SLC36A1: variants seen among roughly 807,000 people sequenced by gnomAD.
SLC36A1 encodes proton-coupled amino acid transporter 1.
SLC36A1 carries 30 observed loss-of-function variants against 47.5 expected under a neutral mutation model. The ratio of observed to expected loss-of-function variants is 0.63; its 90% CI spans 0.47 to 0.86. SLC36A1 has a LOEUF of 0.86. Ranked by LOEUF, SLC36A1 falls within the 40% of genes least tolerant of loss-of-function variation. The pLI, the probability that SLC36A1 is intolerant of heterozygous loss-of-function variation, is 0.00. For missense variants in SLC36A1, 517 were observed against 606.0 expected (o/e 0.85, Z 1.54); for synonymous variants, 255 against 249.7 (o/e 1.02, Z -0.20).
chr5:151,452,906 A>G (rs1015354267), intron 1 of SLC36A1, among the ~76,000 whole-genome samples: 3 of 150,008 alleles, frequency 2.0e-5, no homozygotes, highest in African/African-American at 7.4e-5. Context: ...CAAAAACAAC[A>G]ACAAAAAAAC....
the SLC36A1 span, among the ~76,000 whole-genome samples, chr5:151,362,843 A>G: frequency 6.6e-6 from 1 of 152,084 alleles, no homozygotes; most frequent in Non-Finnish European, 1.5e-5. Context: ...GCTTTTCTGC[A>G]TTATTTTGGA....
At chr5:151,395,894 C>A in the SLC36A1 span, among the ~76,000 whole-genome samples, 1 of 152,080 alleles carries the variant, frequency 6.6e-6, no homozygotes, top group Non-Finnish European at 1.5e-5. Flanking sequence ...ACTGCAACCT[C>A]CACCTCCCGA....
rs35595732 is a variant in SLC36A1, at chr5:151,457,854, G to GTTTT, written c.-5-926_-5-923dup. Among the ~76,000 whole-genome samples the GTTTT allele has an allele frequency of 6.3e-4, 91 of 143,626 alleles. No individual in the cohort carries two copies. The East Asian group carries it at 6.4e-3, about 10-fold the overall frequency. The allele number at this position is 143,626 out of a possible 152,430, so 94.2% of individuals were successfully genotyped here. On this transcript the variant is annotated intron_variant, in intron 1 of 10. Transcript: ENST00000243389. ...TTTTCTTTTTTTTTGTTGTTTGTTT[G>GTTTT]TTTTTTTTTTTGAGATGGAGTTTCG... is the stretch of plus-strand genomic sequence containing the variant.
At chr5:151,382,286 G>A in the SLC36A1 span, 1 of 1,275,212 alleles carries the variant, frequency 7.8e-7, no homozygotes, top group Non-Finnish European at 1.1e-6. Flanking sequence ...CAGGCTTTGA[G>A]AGTGCCCTCA....
the SLC36A1 span, chr5:151,546,402 G>A: frequency 8.0e-7 from 1 of 1,252,488 alleles, no homozygotes; most frequent in South Asian, 1.4e-5. Flanking sequence ...AGGCTTTCTA[G>A]ATCAGTAAAG....
the SLC36A1 span, among the ~76,000 whole-genome samples, chr5:151,372,446 A>T: frequency 2.6e-3 from 392 of 148,688 alleles, 3 homozygotes; most frequent in Non-Finnish European, 4.2e-3. Flanking sequence ...TTCATTAAAA[A>T]TTTTTTTTTT....
chr5:151,347,602 C>T, the SLC36A1 span: 2 of 955,338 alleles, frequency 2.1e-6, no homozygotes, highest in Non-Finnish European at 3.2e-6. Context: ...GAACGAGGCC[C>T]CGCCCACCTC....
chr5:151,547,011 T>G, the SLC36A1 span, among the ~76,000 whole-genome samples: 1 of 152,234 alleles, frequency 6.6e-6, no homozygotes, highest in Non-Finnish European at 1.5e-5. Flanking sequence ...TATAATTTTT[T>G]CAATATCCAT....
chr5:151,463,571 C>T lies in SLC36A1; in HGVS notation c.162C>T (p.Ile54=), dbSNP rs867612142. ...SNSTTWFQTL[I]HLLKGNIGTG... ...ACTTCAGATGGTTCCAGACCTTGAT[C>T]CACCTGTTAAAAGGCAACATTGGCA... Residue 54 remains isoleucine (I), a synonymous_variant, in exon 3 of 11, where the codon ATC becomes ATT. Transcript: ENST00000243389. 1 of 1,613,998 alleles carries T rather than the reference C, an allele frequency of 6.2e-7. No individual in the cohort carries two copies. The highest frequency in any genetic ancestry group is 8.5e-7 in the Non-Finnish European group (1 of 1,179,882).
intron 10 of SLC36A1, among the ~76,000 whole-genome samples, chr5:151,481,003 C>A (rs1268426492): frequency 6.6e-6 from 1 of 152,246 alleles, no homozygotes; most frequent in African/African-American, 2.4e-5. Context: ...ACTCCTCTCC[C>A]TGCCCAATTT....
chr5:151,542,948 C>G, the SLC36A1 span: 7 of 1,614,230 alleles, frequency 4.3e-6, no homozygotes, highest in Non-Finnish European at 5.9e-6. Context: ...GTGCCCCGCA[C>G]TAGACTGTAG....
At chr5:151,427,177 G>A in the SLC36A1 span, among the ~76,000 whole-genome samples, 7 of 152,248 alleles carry the variant, frequency 4.6e-5, no homozygotes, top group African/African-American at 1.7e-4. Context: ...CCTATATGTG[G>A]TTGCTTCAGT....
chr5:151,356,345 A>C, the SLC36A1 span, among the ~76,000 whole-genome samples: 1 of 145,614 alleles, frequency 6.9e-6, no homozygotes, highest in African/African-American at 2.6e-5. Context: ...CTCACAAAAA[A>C]AAAAAAAAAA....
At chr5:151,549,447 T>A in the SLC36A1 span, 1 of 1,614,168 alleles carries the variant, frequency 6.2e-7, no homozygotes. Context: ...GTTTCCATCC[T>A]CCACATGAAT....
Position 151,453,487 on chromosome 5 carries a change from C to T in SLC36A1, c.-5-5301C>T, listed in dbSNP as rs1261532782. On this transcript the variant is annotated intron_variant, in intron 1 of 10. Transcript: ENST00000243389. ...GATAGCTATTTATGGCTAGTGGTTACTGTACTGGATGGTACAACTTCAGAA... is the reference window on the plus strand; with the variant it reads ...GATAGCTATTTATGGCTAGTGGTTATTGTACTGGATGGTACAACTTCAGAA... Among the ~76,000 whole-genome samples, 9 of 152,052 alleles carry T rather than the reference C, an allele frequency of 5.9e-5. 1 individual carries two copies. In the South Asian group the frequency reaches 1.9e-3, roughly 32 times the overall value.
the SLC36A1 span, among the ~76,000 whole-genome samples, chr5:151,428,923 G>C: frequency 1.3e-5 from 2 of 152,240 alleles, no homozygotes; most frequent in African/African-American, 4.8e-5. Flanking sequence ...GTGAGCCACT[G>C]CACCTGGCCG....
At chr5:151,383,000 G>T in the SLC36A1 span, among the ~76,000 whole-genome samples, 1 of 152,132 alleles carries the variant, frequency 6.6e-6, no homozygotes, top group East Asian at 1.9e-4. Flanking sequence ...TCCTGACCTC[G>T]TGATCCACCC....
At chr5:151,521,350 C>G in the SLC36A1 span, 4 of 1,614,080 alleles carry the variant, frequency 2.5e-6, no homozygotes, top group Non-Finnish European at 3.4e-6. Context: ...GTACGTGGGC[C>G]CAACCTTGGG....
At chr5:151,410,858 G>T in the SLC36A1 span, among the ~76,000 whole-genome samples, 1 of 144,422 alleles carries the variant, frequency 6.9e-6, no homozygotes, top group Non-Finnish European at 1.5e-5. Context: ...GGTTGGGAGG[G>T]ACTGTCCTGT....
Sources: gnomAD v4.1 joint callset for allele counts (sites outside exome capture counted in the v4.1 genomes callset) on GRCh38, gnomAD v4.1.1 for gene constraint, MANE v1.5 for transcripts, NCBI Gene and HGNC (gene_info 2026-07-23, HGNC 2026-07-21) for gene names.